SPG7: variants seen among roughly 807,000 people sequenced by gnomAD.
SPG7 encodes SPG7 matrix AAA peptidase subunit, paraplegin.
A neutral mutation model predicts 81.9 loss-of-function variants in SPG7; 103 were observed. That is an observed-to-expected ratio of 1.26 (90% CI 1.07 to 1.48). The LOEUF is 1.48. Among genes scored for constraint, SPG7 ranks in the 40% most tolerant of loss-of-function variants. SPG7 has a pLI of 0.00. For missense variants in SPG7, 1,241 were observed against 1,087.3 expected (o/e 1.14, Z -1.99); for synonymous variants, 534 against 444.2 (o/e 1.20, Z -2.54).
chr16:89,524,258 G>T lies in SPG7; in HGVS notation c.618+11G>T, dbSNP rs544567923. 6.2e-7 allele frequency: 1 copy of T among 1,604,922 alleles called. No homozygotes were observed. The highest frequency in any genetic ancestry group is 8.5e-7 in the Non-Finnish European group (1 of 1,175,608). On this transcript the variant is annotated intron_variant, in intron 4 of 16. Transcript: ENST00000645818. ...GTGTTTGGGCGGCCTGTGAGTGAGG[G>T]TGCGGGAGGCCTGTGAGTGAGGGTG...
At chr16:89,531,204 C>T in intron 7 of SPG7, 2 of 353,296 alleles carry the variant, frequency 5.7e-6, no homozygotes, top group South Asian at 4.6e-5. Context: ...CACCTGTAGT[C>T]CTGGCACCTC....
intron 2 of SPG7, among the ~76,000 whole-genome samples, chr16:89,511,810 C>G (rs1845817578): frequency 6.6e-6 from 1 of 152,224 alleles, no homozygotes; most frequent in Non-Finnish European, 1.5e-5. Flanking sequence ...GCTTCAACCT[C>G]CTGGGCCCAG....
chr16:89,515,329 T>C, intron 3 of SPG7, among the ~76,000 whole-genome samples: 1 of 151,176 alleles, frequency 6.6e-6, no homozygotes, highest in East Asian at 2.0e-4. Flanking sequence ...AGTCCAGTGG[T>C]GCGATGTCGG....
intron 9 of SPG7, chr16:89,541,236 C>T (rs11641044): frequency 3.0e-6 from 3 of 984,548 alleles, no homozygotes; most frequent in South Asian, 4.7e-5. Context: ...ATCCTTATCA[C>T]GGTGTTCTAC....
chr16:89,515,185 C>G (rs1184393664), intron 3 of SPG7, among the ~76,000 whole-genome samples: 2 of 151,542 alleles, frequency 1.3e-5, no homozygotes, highest in Admixed American at 6.6e-5. Context: ...ATCTGCGTGC[C>G]TCAGCCTCCC....
chr16:89,550,700 C>A (rs1597661859), intron 13 of SPG7, 91 bp downstream of exon 13: 5 of 844,230 alleles, frequency 5.9e-6, no homozygotes, highest in African/African-American at 3.3e-5. Flanking sequence ...GGAGTCCCGC[C>A]TGTGTCTGTA....
At chr16:89,523,604 C>A in intron 3 of SPG7, 1 of 430,382 alleles carries the variant, frequency 2.3e-6, no homozygotes, top group South Asian at 1.6e-5. Context: ...TTTTCTGAGA[C>A]AGGGTCGTTC....
At chr16:89,521,086 C>A (rs1227490062) in intron 3 of SPG7, 1 of 152,260 alleles carries the variant, frequency 6.6e-6, no homozygotes, top group Non-Finnish European at 1.5e-5. Flanking sequence ...CCCTGCGGTG[C>A]CTTCACTTGT....
rs779616855 is a variant in SPG7, at chr16:89,546,664, C to T, written c.1456C>T (p.Arg486Trp). ...CCTCCCCTGGTTCTGGCAGGAGAGG[C>T]GGGAGATTTTTGAGCAGCACCTGAA... is the stretch of plus-strand genomic sequence containing the variant. ...FIDLPTLQER[R>W]EIFEQHLKSL... Residue 486 changes from arginine (R) to tryptophan (W), a missense_variant, in exon 11 of 17, where the codon CGG (arginine) becomes TGG (tryptophan). Coordinates refer to ENST00000645818, the MANE Select transcript of SPG7 (RefSeq NM_003119.4). The T allele has an allele frequency of 2.2e-5, 36 of 1,608,940 alleles. No homozygotes were observed. The highest frequency in any genetic ancestry group is 8.3e-5 in the Admixed American group (5 of 59,920).
At chr16:89,549,121 G>C (rs1408264872) in intron 12 of SPG7, 1 of 456,612 alleles carries the variant, frequency 2.2e-6, no homozygotes, top group East Asian at 6.9e-5. Context: ...GTGTCTTACT[G>C]AAATTTATTT....
At chr16:89,556,012 A>T in intron 16 of SPG7, 1 of 398,716 alleles carries the variant, frequency 2.5e-6, no homozygotes, top group Non-Finnish European at 4.4e-6. Context: ...ACCCATGCTC[A>T]TCACGGTTGA....
intron 10 of SPG7, chr16:89,546,222 G>C (rs1274717146): frequency 3.2e-6 from 1 of 313,642 alleles, no homozygotes; most frequent in South Asian, 2.7e-5. Context: ...GAGTAGCTGG[G>C]ATTACAGGCA....
intron 9 of SPG7, among the ~76,000 whole-genome samples, chr16:89,534,164 A>T (rs1227154891): frequency 1.3e-5 from 2 of 151,960 alleles, no homozygotes; most frequent in African/African-American, 2.4e-5. Context: ...AACCCTCCCC[A>T]TTCTCCATCC....
At position 89,553,149 on chromosome 16, in the gene SPG7, G is replaced by GC. The variant is rs1567933761; in HGVS notation, c.1936+15dup. 3 of 1,590,356 alleles carry GC rather than the reference G, an allele frequency of 1.9e-6. No homozygotes were observed. In the South Asian group the frequency reaches 3.4e-5, roughly 18 times the overall value. On this transcript the variant is annotated intron_variant, in intron 14 of 16. Coordinates refer to ENST00000645818, the MANE Select transcript of SPG7 (RefSeq NM_003119.4). ...AGGTCACTTCTGGTGAGGAGCAGCG[G>GC]CGCGGGCCCTGGAGGTTTCAGAGCG...
intron 9 of SPG7, chr16:89,541,459 TC>T: frequency 4.2e-6 from 2 of 474,302 alleles, no homozygotes; most frequent in Admixed American, 6.4e-5. Context: ...AGGGGAGGTC[TC>T]CAGGGAGGAG....
rs373406068 is a variant in SPG7 at position 89,513,087 on chromosome 16, A to C, written c.376+50A>C. On this transcript the variant is annotated intron_variant, in intron 3 of 16. Transcript: ENST00000645818. The stretch of plus-strand genomic sequence containing the variant: ...TCAGTAGCTGCCTCTGGATGTCTTT[A>C]CATTTCTGTTTTCCTTTTAGCAAGG... The C allele has an allele frequency of 1.9e-4, 297 of 1,556,462 alleles. No homozygotes were observed. The African/African-American group carries it at 3.8e-3, about 20-fold the overall frequency.
intron 5 of SPG7, chr16:89,527,053 G>T (rs1317965634): frequency 9.3e-6 from 2 of 215,872 alleles, no homozygotes; most frequent in South Asian, 6.1e-5. Flanking sequence ...TCTCTGATAT[G>T]CTTTAAATCA....
At chr16:89,510,068 G>A (rs987047377) in intron 1 of SPG7, among the ~76,000 whole-genome samples, 6 of 151,968 alleles carry the variant, frequency 3.9e-5, no homozygotes, top group Non-Finnish European at 8.8e-5. Context: ...TCTGCCTCCC[G>A]GGTTCAAGCG....
intron 8 of SPG7, 138 bp downstream of exon 8, chr16:89,532,204 C>G (rs760921978): frequency 3.9e-6 from 4 of 1,037,250 alleles, no homozygotes; most frequent in African/African-American, 1.6e-5. Context: ...TCTGGGTTGG[C>G]GGAGGGGTTT....
Sources: gnomAD v4.1 joint callset for allele counts (sites outside exome capture counted in the v4.1 genomes callset) on GRCh38, gnomAD v4.1.1 for gene constraint, MANE v1.5 for transcripts, NCBI Gene and HGNC (gene_info 2026-07-23, HGNC 2026-07-21) for gene names.